C3orf18: variants seen among roughly 807,000 people sequenced by gnomAD.
C3orf18 encodes the protein chromosome 3 open reading frame 18.
Under a neutral mutation model 14.1 loss-of-function variants are expected in C3orf18, and 12 were observed. That is an observed-to-expected ratio of 0.85 (90% confidence interval 0.55 to 1.38). The LOEUF (loss-of-function observed/expected upper bound fraction) is 1.38, where lower values mean the gene tolerates loss of function less well. Among genes scored for constraint, C3orf18 ranks in the 40% most tolerant of loss-of-function variants. C3orf18 has a pLI of 0.00. For missense variants in C3orf18, 196 were observed against 213.9 expected, an observed-to-expected ratio of 0.92 and a Z score of 0.52; for synonymous variants, 82 against 87.9, an observed-to-expected ratio of 0.93 and a Z score of 0.38.
At chr3:50,560,635 C>T (rs1001575353) in intron 5 of C3orf18, among the ~76,000 whole-genome samples, 1 of 152,220 alleles carries the variant, frequency 6.6e-6, no homozygotes, top group African/African-American at 2.4e-5. Context: ...GAAGAGAACA[C>T]TGAGGCTCAG....
chr3:50,571,576 T>C (rs1700962799), upstream of C3orf18: 4 of 863,416 alleles, frequency 4.6e-6, no homozygotes, highest in Non-Finnish European at 7.7e-6. Flanking sequence ...GGCAGGATGC[T>C]GCCCCCTCTG....
intron 3 of C3orf18, 34 bp from the exon 4 acceptor site, chr3:50,561,781 AGAG>A: frequency 6.2e-7 from 1 of 1,613,250 alleles, no homozygotes; most frequent in Non-Finnish European, 8.5e-7. Flanking sequence ...AATGGCAAGG[AGAG>A]GAGGCCCTGA....
In C3orf18 at chr3:50,558,656, G is replaced by A. The variant is rs762217106; in HGVS notation, c.*1001C>T. The A allele has an allele frequency of 3.2e-6, 4 of 1,267,428 alleles. No homozygotes were observed. In the South Asian group the frequency reaches 5.2e-5, roughly 16 times the overall value. The allele number at this position is 1,267,428 out of a possible 1,614,324, so 78.5% of individuals were successfully genotyped here. On this transcript the variant is annotated 3_prime_UTR_variant, in exon 6 of 6. Transcript: ENST00000357203. ...AGACCAACAGCCTCTCCCAACCCCA[G>A]ATCCTCATTAGAGCCCAAGACAGGG...
At position 50,567,710 on chromosome 3, in the gene C3orf18, C is replaced by T. The variant is rs1339945937; in HGVS notation, c.-499G>A. 1 of 152,286 alleles carries T rather than the reference C, an allele frequency of 6.6e-6. No individual in the cohort carries two copies. The highest frequency in any genetic ancestry group is 1.5e-5 in the Non-Finnish European group (1 of 68,072). The allele number at this position is 152,286 out of a possible 1,614,324, so 9.4% of individuals were successfully genotyped here. ...CCGGGACCCACGGCGGAGGTGGGGC[C>T]GGGCCGAGCAGCCTCGGGGGATCCC... On this transcript the variant is annotated 5_prime_UTR_variant, in exon 1 of 6. Transcript: ENST00000357203.
chr3:50,559,201 T>C lies in C3orf18; in HGVS notation c.*456A>G, dbSNP rs760355126. 8.0e-5 allele frequency: 103 copies of C among 1,289,656 alleles called. No individual in the cohort carries two copies. Among genetic ancestry groups the C allele is most frequent in the Middle Eastern group, 2.1e-4 (1 of 4,698 alleles). 79.9% of individuals were successfully genotyped at this position (1,289,656 alleles called of 1,614,324 possible). A position where few individuals can be genotyped will look rare whatever the true frequency, so the allele number is the denominator to read the frequency against. ...GCTGCCCTACCCTGTCCCTATAACT[T>C]GGGTGGTTTCCTCTCCCCACCCCAG... On this transcript the variant is annotated 3_prime_UTR_variant, in exon 6 of 6. Transcript: ENST00000357203.
chr3:50,561,558 G>A (rs1001548211), intron 4 of C3orf18, among the ~76,000 whole-genome samples, 164 bp downstream of exon 4: 1 of 152,180 alleles, frequency 6.6e-6, no homozygotes, highest in Non-Finnish European at 1.5e-5. Context: ...GTGCAAGGGG[G>A]GCCCTCAACC....
Position 50,558,894 on chromosome 3 carries a change from C to T in C3orf18, c.*763G>A, listed in dbSNP as rs1699802450. 7.8e-7 allele frequency: 1 copy of T among 1,289,512 alleles called. No homozygotes were observed. Among genetic ancestry groups the T allele is most frequent in the Non-Finnish European group, 1.0e-6 (1 of 988,746 alleles). The allele number at this position is 1,289,512 out of a possible 1,614,324, so 79.9% of individuals were successfully genotyped here. ...ATTCTGCCCGCTGTGCTGGGACAGG[C>T]ACATGTCTGCCCATGGGCACACTCA... On this transcript the variant is annotated 3_prime_UTR_variant, in exon 6 of 6. Coordinates refer to ENST00000357203, the MANE Select transcript of C3orf18 (RefSeq NM_016210.5).
At chr3:50,571,592 A>C (rs536606984), upstream of C3orf18, 1 of 961,986 alleles carries the variant, frequency 1.0e-6, no homozygotes, top group Non-Finnish European at 1.7e-6. Flanking sequence ...CTCTGGGCCC[A>C]GATGATGAGA....
In C3orf18 at chr3:50,558,714, ACAAT is replaced by A; in HGVS notation, c.*939_*942del. 7.8e-7 allele frequency: 1 copy of A among 1,289,552 alleles called. No homozygotes were observed. Among genetic ancestry groups the A allele is most frequent in the South Asian group, 1.2e-5 (1 of 81,020 alleles). 79.9% of individuals were successfully genotyped at this position (1,289,552 alleles called of 1,614,324 possible). On this transcript the variant is annotated 3_prime_UTR_variant, in exon 6 of 6. Coordinates refer to ENST00000357203, the MANE Select transcript of C3orf18 (RefSeq NM_016210.5). ...TTCAGAAGCAGGTGAGCCCAGTGAA[ACAAT>A]GCAGTGGAGAGAGGAACCGTGCTGT...
chr3:50,562,215 T>C (rs899798796), intron 3 of C3orf18, among the ~76,000 whole-genome samples: 2 of 152,122 alleles, frequency 1.3e-5, no homozygotes, highest in Non-Finnish European at 2.9e-5. Context: ...CCTTTTGACA[T>C]TGTTAGCTGC....
At chr3:50,571,196 C>A, upstream of C3orf18, 2 of 1,613,832 alleles carry the variant, frequency 1.2e-6, no homozygotes. Flanking sequence ...TCATGGCAAC[C>A]CCAACCACCT....
chr3:50,570,330 T>C (rs1159443777), upstream of C3orf18: 1 of 152,228 alleles, frequency 6.6e-6, no homozygotes, highest in East Asian at 1.9e-4. Flanking sequence ...AAATATACAA[T>C]TGTAAATTTT....
At chr3:50,564,082 C>T (rs1440885287) in intron 3 of C3orf18, among the ~76,000 whole-genome samples, 1 of 152,228 alleles carries the variant, frequency 6.6e-6, no homozygotes, top group African/African-American at 2.4e-5. Context: ...CTGTGGGGCC[C>T]ATATGGCAAC....
At position 50,565,834 on chromosome 3, in the gene C3orf18, T is replaced by C; in HGVS notation, c.-135A>G. 1.6e-6 allele frequency: 1 copy of C among 628,578 alleles called. No individual in the cohort carries two copies. Among genetic ancestry groups the C allele is most frequent in the Non-Finnish European group, 2.8e-6 (1 of 361,106 alleles). 38.9% of individuals were successfully genotyped at this position (628,578 alleles called of 1,614,324 possible). A position where few individuals can be genotyped will look rare whatever the true frequency, so the allele number is the denominator to read the frequency against. On this transcript the variant is annotated 5_prime_UTR_variant, in exon 3 of 6. Transcript: ENST00000357203. This position sits in a 1 kb window ranked among gnomAD's most constrained non-coding sequence, Gnocchi z 4.4. ...CCACCTGCACAGCCACCTCCTTGGA[T>C]AAAGGGAGCCCCCTGCCTTCCTGGG... is the stretch of plus-strand genomic sequence containing the variant.
At chr3:50,566,940 G>A (rs954049944) in intron 1 of C3orf18, among the ~76,000 whole-genome samples, 1 of 152,178 alleles carries the variant, frequency 6.6e-6, no homozygotes, top group Non-Finnish European at 1.5e-5. Context: ...TAGCTCGTGG[G>A]TGCATACATC....
At chr3:50,560,827 G>A (rs1480507717) in intron 5 of C3orf18, 90 bp downstream of exon 5, 4 of 1,380,106 alleles carry the variant, frequency 2.9e-6, no homozygotes, top group Non-Finnish European at 4.0e-6. Flanking sequence ...CACAAGGCAG[G>A]TGCTAGAAAG....
rs1223922048 is a variant in C3orf18 at position 50,565,589 on chromosome 3, G to A, written c.111C>T (p.Leu37=). ...CATTAAAGGTGGTGGCCTCTGGGCT[G>A]AGGGTAGTGGTCTCGGAGGCTGGCC... is the stretch of plus-strand genomic sequence containing the variant. The part of the protein sequence containing the change: ...TDGPASETTT[L]SPEATTFNDT... The change falls in exon 3 of 6, where the codon CTC becomes CTT. Residue 37 remains leucine, a synonymous_variant. Transcript: ENST00000357203. This position sits in a 1 kb window ranked among gnomAD's most constrained non-coding sequence, Gnocchi z 4.4. 6.2e-7 allele frequency: 1 copy of A among 1,614,012 alleles called. No individual in the cohort carries two copies.
At chr3:50,567,929 G>C (rs1169460988), upstream of C3orf18, among the ~76,000 whole-genome samples, 3 of 152,274 alleles carry the variant, frequency 2.0e-5, no homozygotes, top group Non-Finnish European at 2.9e-5. Flanking sequence ...AAGTTGGGCG[G>C]AGGACAGTGG....
At chr3:50,563,346 T>C (rs529948028) in intron 3 of C3orf18, among the ~76,000 whole-genome samples, 3 of 151,800 alleles carry the variant, frequency 2.0e-5, no homozygotes. Flanking sequence ...TCCCCACCTC[T>C]CAGCCCTTGC....
Sources: allele counts gnomAD v4.1 joint callset (sites outside exome capture counted in the v4.1 genomes callset), GRCh38; gene constraint gnomAD v4.1.1; non-coding constraint Gnocchi (gnomAD v3.1); transcripts MANE v1.5; gene names NCBI Gene and HGNC (gene_info 2026-07-23, HGNC 2026-07-21).